The following SPATA31H1 variants were observed in gnomAD, a reference collection of about 807,000 sequenced individuals.
SPATA31H1 encodes the protein spermatogenesis-associated protein 31H1.
the SPATA31H1 span, chr2:27,575,553 A>G: frequency 1.8e-5 from 7 of 398,500 alleles, no homozygotes; most frequent in African/African-American, 1.0e-4. This position sits in a 1 kb window ranked among gnomAD's most constrained non-coding sequence, Gnocchi z 4.1. Flanking sequence ...AAAATCTGCC[A>G]AGTTGAATCC....
the SPATA31H1 span, chr2:27,580,370 CTCTG>C: frequency 1.2e-6 from 2 of 1,614,042 alleles, no homozygotes; most frequent in African/African-American, 2.7e-5. Context: ...CAGAGAGTGA[CTCTG>C]AAAGCACTCA....
the SPATA31H1 span, chr2:27,579,485 A>G: frequency 1.1e-5 from 17 of 1,614,246 alleles, no homozygotes; most frequent in Non-Finnish European, 1.4e-5. Context: ...GTCATAAGAA[A>G]AGAATGGCCT....
chr2:27,582,497 G>T, the SPATA31H1 span: 1 of 1,611,204 alleles, frequency 6.2e-7, no homozygotes, highest in Non-Finnish European at 8.5e-7. Context: ...CCAAAGCAGG[G>T]CAAGTGTGGA....
At chr2:27,576,726 T>C in the SPATA31H1 span, 6 of 1,613,888 alleles carry the variant, frequency 3.7e-6, no homozygotes, top group Non-Finnish European at 3.4e-6. Flanking sequence ...TTCAAATTTG[T>C]CTCCAGAATC....
chr2:27,568,015 C>T, the SPATA31H1 span: 1 of 399,000 alleles, frequency 2.5e-6, no homozygotes, highest in Non-Finnish European at 4.4e-6. Context: ...TCAATGGAGG[C>T]AGCCCCAAGG....
chr2:27,549,792 G>A, the SPATA31H1 span, among the ~76,000 whole-genome samples: 1 of 151,880 alleles, frequency 6.6e-6, no homozygotes, highest in African/African-American at 2.4e-5. Flanking sequence ...CTGGGTGACA[G>A]AGCAAGACTC....
chr2:27,563,242 C>G, the SPATA31H1 span, among the ~76,000 whole-genome samples: 2 of 152,024 alleles, frequency 1.3e-5, no homozygotes, highest in Non-Finnish European at 2.9e-5. Flanking sequence ...TGCTTTCATA[C>G]TTACTATCTA....
chr2:27,543,037 G>A, the SPATA31H1 span, among the ~76,000 whole-genome samples: 1 of 151,972 alleles, frequency 6.6e-6, no homozygotes, highest in African/African-American at 2.4e-5. Context: ...AGGTTGCAGT[G>A]AGCCAAGATC....
At chr2:27,580,900 G>C in the SPATA31H1 span, 1 of 1,614,168 alleles carries the variant, frequency 6.2e-7, no homozygotes, top group Non-Finnish European at 8.5e-7. Context: ...CAGCCAAGAA[G>C]AGCTTACTCT....
chr2:27,581,039 C>A, the SPATA31H1 span: 1 of 1,614,184 alleles, frequency 6.2e-7, no homozygotes. Flanking sequence ...CAAAGAAAAA[C>A]TTCTATAGAA....
the SPATA31H1 span, chr2:27,581,421 C>T: frequency 6.2e-7 from 1 of 1,614,016 alleles, no homozygotes; most frequent in Non-Finnish European, 8.5e-7. Flanking sequence ...TCACTGCAGT[C>T]CCCCCGAGAG....
At chr2:27,541,217 TCTCCACCAAAAAAAACATGAAAACCA>T in the SPATA31H1 span, among the ~76,000 whole-genome samples, 1 of 151,250 alleles carries the variant, frequency 6.6e-6, no homozygotes, top group Non-Finnish European at 1.5e-5. Context: ...CAAAACCCCG[TCTCCACCAAAAAAAACATGAAAACCA>T]GTCAGGCGTG....
the SPATA31H1 span, chr2:27,578,341 C>T: frequency 6.2e-7 from 1 of 1,614,118 alleles, no homozygotes; most frequent in Non-Finnish European, 8.5e-7. Context: ...ATTGTAAAAA[C>T]TATGTTAATC....
At chr2:27,576,850 T>G in the SPATA31H1 span, 3 of 1,614,136 alleles carry the variant, frequency 1.9e-6, no homozygotes, top group Non-Finnish European at 2.5e-6. Context: ...TCTGTGGAAT[T>G]AGCACCAGGG....
the SPATA31H1 span, among the ~76,000 whole-genome samples, chr2:27,552,349 AT>A: frequency 6.6e-6 from 1 of 151,954 alleles, no homozygotes; most frequent in African/African-American, 2.4e-5. Context: ...TGAAGAGACT[AT>A]TATTTTCCTA....
the SPATA31H1 span, among the ~76,000 whole-genome samples, chr2:27,550,224 CT>C: frequency 3.9e-4 from 55 of 140,480 alleles, no homozygotes; most frequent in Admixed American, 3.5e-4. Flanking sequence ...AGTGGGGATT[CT>C]TTTTTTTTTA....
At chr2:27,562,594 T>A in the SPATA31H1 span, among the ~76,000 whole-genome samples, 10 of 149,608 alleles carry the variant, frequency 6.7e-5, no homozygotes, top group African/African-American at 2.0e-4. Flanking sequence ...TATATATATA[T>A]AATTTAATTT....
the SPATA31H1 span, chr2:27,568,644 A>G: frequency 2.5e-6 from 1 of 398,998 alleles, no homozygotes; most frequent in Admixed American, 4.4e-5. Flanking sequence ...TGTGGAGCTG[A>G]CCCTAAGACC....
the SPATA31H1 span, chr2:27,578,221 G>C: frequency 6.2e-7 from 1 of 1,614,148 alleles, no homozygotes; most frequent in Non-Finnish European, 8.5e-7. Context: ...CAATATGTGA[G>C]ACCTTCAGAG....
Sources: gnomAD v4.1 joint callset for allele counts (sites outside exome capture counted in the v4.1 genomes callset) on GRCh38, gnomAD v4.1.1 for gene constraint, Gnocchi (gnomAD v3.1) non-coding constraint, MANE v1.5 for transcripts, NCBI Gene and HGNC (gene_info 2026-07-23, HGNC 2026-07-21) for gene names.